The following MARCHF10 variants were observed in gnomAD, a reference collection of about 807,000 sequenced individuals.
MARCHF10 encodes probable E3 ubiquitin-protein ligase MARCHF10.
Under a neutral mutation model 76.2 loss-of-function variants are expected in MARCHF10, and 64 were observed. The ratio of observed to expected loss-of-function variants is 0.84; its 90% CI spans 0.69 to 1.03. The LOEUF (loss-of-function observed/expected upper bound fraction) is 1.03. Ranked by LOEUF, MARCHF10 falls within the 50% of genes least tolerant of loss-of-function variation. The pLI is 0.00. For missense variants in MARCHF10, 875 were observed against 958.0 expected (o/e 0.91, Z 1.14); for synonymous variants, 340 against 357.5 (o/e 0.95, Z 0.55).
chr17:62,705,334 A>G, intron 10 of MARCHF10: 1 of 1,488,044 alleles, frequency 6.7e-7, no homozygotes, highest in South Asian at 1.3e-5. Context: ...ATGAATTAAA[A>G]TTCTTATCTG....
intron 1 of MARCHF10, among the ~76,000 whole-genome samples, chr17:62,804,063 G>C (rs971899916): frequency 6.6e-6 from 1 of 152,162 alleles, no homozygotes; most frequent in Non-Finnish European, 1.5e-5. Flanking sequence ...AGGGATTCAA[G>C]GGATGCTCAG....
chr17:62,800,926 GGTGGGGATGACAACGAAGGGC>G (rs1278340096), intron 2 of MARCHF10, among the ~76,000 whole-genome samples: 1 of 152,092 alleles, frequency 6.6e-6, no homozygotes, highest in African/African-American at 2.4e-5. Flanking sequence ...CCTTTCTTCT[GGTGGGGATGACAACGAAGGGC>G]GTGTTATTTT....
intron 3 of MARCHF10, among the ~76,000 whole-genome samples, chr17:62,779,374 C>G (rs2092614325): frequency 6.6e-6 from 1 of 152,204 alleles, no homozygotes; most frequent in Non-Finnish European, 1.5e-5. Context: ...ATGCCACATC[C>G]TAAGCCGTGG....
At position 62,759,832 on chromosome 17, in the gene MARCHF10, C is replaced by CA. The variant is rs758700563; in HGVS notation, c.382+2dup. 3.7e-6 allele frequency: 6 copies of CA among 1,611,944 alleles called. No homozygotes were observed. The African/African-American group carries it at 8.0e-5, about 22-fold the overall frequency. On this transcript the variant is annotated splice_region_variant and intron_variant, in intron 4 of 10. Coordinates refer to ENST00000311269, the MANE Select transcript of MARCHF10 (RefSeq NM_152598.4). ...GATGAATTTCAATAAGCCAGCCACT[C>CA]ACCTGGAGAGGGTTCGCTGGGGTCC...
Position 62,807,488 on chromosome 17 carries a change from C to G in MARCHF10, c.-18+589G>C, listed in dbSNP as rs73992070. 8.6e-3 allele frequency among the ~76,000 whole-genome samples: 1,307 copies of G among 152,242 alleles called. 23 individuals are homozygous for G. Among genetic ancestry groups the G allele is most frequent in the African/African-American group, 0.03 (1,236 of 41,540 alleles). ...AGCCCAGAAGAGAGGAGAAACTCAA[C>G]GTGTAATTGGGAAACTCTGGGGGAG... On this transcript the variant is annotated intron_variant, in intron 1 of 10. Coordinates refer to ENST00000311269, the MANE Select transcript of MARCHF10 (RefSeq NM_152598.4).
intron 10 of MARCHF10, among the ~76,000 whole-genome samples, chr17:62,702,932 C>A (rs1273075959): frequency 6.6e-6 from 1 of 152,188 alleles, no homozygotes; most frequent in African/African-American, 2.4e-5. Flanking sequence ...CTCACACCCG[C>A]CCCTGTTCCT....
intron 3 of MARCHF10, among the ~76,000 whole-genome samples, chr17:62,785,731 C>A (rs1310011253): frequency 6.6e-6 from 1 of 152,156 alleles, no homozygotes; most frequent in Non-Finnish European, 1.5e-5. Context: ...TGAACAGACA[C>A]TTTTCAAAAG....
At chr17:62,788,703 T>C in intron 2 of MARCHF10, 104 bp from the exon 3 acceptor site, 1 of 1,427,410 alleles carries the variant, frequency 7.0e-7, no homozygotes, top group Non-Finnish European at 9.7e-7. Context: ...ATGATATGCA[T>C]CTCCAGGTGT....
intron 3 of MARCHF10, among the ~76,000 whole-genome samples, chr17:62,779,403 A>G (rs1258670270): frequency 6.6e-6 from 1 of 152,190 alleles, no homozygotes; most frequent in Non-Finnish European, 1.5e-5. Flanking sequence ...ATGACACTGT[A>G]AAGGGTGTCA....
At position 62,744,401 on chromosome 17, in the gene MARCHF10, T is replaced by G. The variant is rs1395196139; in HGVS notation, c.510A>C (p.Ala170=). 1 of 1,614,024 alleles carries G rather than the reference T, an allele frequency of 6.2e-7. No individual in the cohort carries two copies. Among genetic ancestry groups the G allele is most frequent in the East Asian group, 2.2e-5 (1 of 44,890 alleles). Residue 170 remains alanine, a synonymous_variant, in exon 5 of 11, where the codon GCA becomes GCC. Transcript: ENST00000311269. ...DRSRQKQQWP[A]KVPVPRGADQ... ...CTGCTCCCCTGGGAACCGGCACCTT[T>G]GCAGGCCACTGCTGTTTCTGTCTGC...
intron 6 of MARCHF10, among the ~76,000 whole-genome samples, chr17:62,733,504 T>A (rs1257751918): frequency 6.6e-6 from 1 of 152,198 alleles, no homozygotes; most frequent in Non-Finnish European, 1.5e-5. Context: ...ATGACTGGTT[T>A]GACACTAAAT....
chr17:62,767,987 C>T (rs2092371658), intron 3 of MARCHF10, among the ~76,000 whole-genome samples: 1 of 152,110 alleles, frequency 6.6e-6, no homozygotes, highest in South Asian at 2.1e-4. Context: ...TGGCCCTGCA[C>T]CTCTGCCTAT....
chr17:62,723,885 A>T (rs2090622360), intron 7 of MARCHF10, among the ~76,000 whole-genome samples: 1 of 152,048 alleles, frequency 6.6e-6, no homozygotes. Flanking sequence ...TATATTTCTT[A>T]TGCTAGGGAA....
chr17:62,759,916 G>T lies in MARCHF10; in HGVS notation c.301C>A (p.Gln101Lys). Residue 101 changes from glutamine (Q) to lysine (K), a missense_variant, in exon 4 of 11, where the codon CAA (glutamine) becomes AAA (lysine). By Grantham distance (53) the Gln-to-Lys change is moderately conservative. Transcript: ENST00000311269. ...KCDSKLPAID[Q>K]TSVKQKHKST... ...TTATGTTTCTGCTTGACTGATGTTT[G>T]GTCAATTGCTGGAAGTTTGGAGTCA... 1 of 1,613,934 alleles carries T rather than the reference G, an allele frequency of 6.2e-7. No individual in the cohort carries two copies. The highest frequency in any genetic ancestry group is 1.1e-5 in the South Asian group (1 of 91,062).
intron 3 of MARCHF10, among the ~76,000 whole-genome samples, chr17:62,786,922 T>C (rs1462962298): frequency 6.6e-6 from 1 of 152,246 alleles, no homozygotes; most frequent in Non-Finnish European, 1.5e-5. Flanking sequence ...GGAAGACTGC[T>C]ACATGCTACT....
intron 3 of MARCHF10, among the ~76,000 whole-genome samples, chr17:62,765,543 C>T (rs1404499586): frequency 2.0e-5 from 3 of 151,970 alleles, no homozygotes; most frequent in Admixed American, 6.6e-5. Flanking sequence ...AGAGTGGCCT[C>T]GGTGATTTAA....
At chr17:62,715,063 C>T (rs1269674815) in intron 8 of MARCHF10, among the ~76,000 whole-genome samples, 5 of 152,174 alleles carry the variant, frequency 3.3e-5, no homozygotes, top group Non-Finnish European at 4.4e-5. Context: ...CTCCTCCTTT[C>T]CTCCCTGCAT....
chr17:62,748,574 C>T (rs1260609056), intron 4 of MARCHF10, among the ~76,000 whole-genome samples: 1 of 151,772 alleles, frequency 6.6e-6, no homozygotes, highest in Non-Finnish European at 1.5e-5. Flanking sequence ...CCTGTCTCTA[C>T]AAAAAAAGAA....
intron 8 of MARCHF10, among the ~76,000 whole-genome samples, chr17:62,715,700 G>A (rs879330318): frequency 3.3e-5 from 5 of 152,208 alleles, no homozygotes; most frequent in African/African-American, 4.8e-5. Flanking sequence ...AGGTCCCTGG[G>A]GTCCCACAGC....
Sources: gnomAD v4.1 joint callset for allele counts (sites outside exome capture counted in the v4.1 genomes callset) on GRCh38, gnomAD v4.1.1 for gene constraint, MANE v1.5 for transcripts, NCBI Gene and HGNC (gene_info 2026-07-23, HGNC 2026-07-21) for gene names.